Variants in FBXW5 observed in about 807,000 individuals in gnomAD.
FBXW5 encodes F-box/WD repeat-containing protein 5.
In FBXW5, 74 loss-of-function variants were observed where a neutral mutation model predicts 50.9. The observed-to-expected ratio is 1.45, with a 90% CI of 1.20 to 1.76. FBXW5 has a LOEUF of 1.76. FBXW5 is among the 40% of genes most tolerant of loss of function. The pLI is 0.00. For synonymous variants in FBXW5, 523 were observed against 362.2 expected (o/e 1.44, Z -5.04); for missense variants, 1,073 against 818.8 (o/e 1.31, Z -3.79).
intron 1 of FBXW5, 85 bp downstream of exon 1, chr9:136,944,509 C>T (rs1278492720): frequency 1.0e-6 from 1 of 984,456 alleles, no homozygotes; most frequent in African/African-American, 1.8e-5. Flanking sequence ...GGGACGAGCG[C>T]ACGGGCGGCC....
chr9:136,944,352 G>A, intron 1 of FBXW5: 1 of 600,296 alleles, frequency 1.7e-6, no homozygotes, highest in African/African-American at 2.0e-5. Context: ...GCCCGCCAGG[G>A]CCCGGACCGC....
At chr9:136,944,481 G>C in intron 1 of FBXW5, 113 bp downstream of exon 1, 1 of 982,646 alleles carries the variant, frequency 1.0e-6, no homozygotes, top group Non-Finnish European at 1.2e-6. Context: ...CTGCCCGGCG[G>C]GCTCGGGGCG....
At chr9:136,944,244 C>A in intron 1 of FBXW5, 138 bp from the exon 2 acceptor site, 1 of 992,774 alleles carries the variant, frequency 1.0e-6, no homozygotes, top group Non-Finnish European at 1.4e-6. Context: ...CGGGTACCGC[C>A]GCCCAACCAA....
Position 136,941,304 on chromosome 9 carries a change from G to A in FBXW5, c.1404C>T (p.Pro468=), listed in dbSNP as rs1383207001. ...GGAAGATGAAGAAGCACTCGTCGTT[G>A]GGCGTGTAGGCGCGGTGCGCACGCA... is the stretch of plus-strand genomic sequence containing the variant. ...RALRAHRAYT[P]NDECFFIFLD... is the part of the protein sequence containing the mutation. Residue 468 remains proline, a synonymous_variant, in exon 8 of 9, where the codon CCC becomes CCT. Transcript: ENST00000325285. 4.0e-5 allele frequency: 65 copies of A among 1,609,578 alleles called. No individual in the cohort carries two copies. Among genetic ancestry groups the A allele is most frequent in the Non-Finnish European group, 5.2e-5 (61 of 1,179,830 alleles).
rs1230228948 is a variant in FBXW5 at position 136,940,748 on chromosome 9, C to G, written c.*180G>C. 1 of 1,061,198 alleles carries G rather than the reference C, an allele frequency of 9.4e-7. No individual in the cohort carries two copies. The highest frequency in any genetic ancestry group is 1.6e-5 in the African/African-American group (1 of 62,456). 65.7% of individuals were successfully genotyped at this position (1,061,198 alleles called of 1,614,324 possible). A position where few individuals can be genotyped will look rare whatever the true frequency, so the allele number is the denominator to read the frequency against. On this transcript the variant is annotated 3_prime_UTR_variant, in exon 9 of 9. Coordinates refer to ENST00000325285, the MANE Select transcript of FBXW5 (RefSeq NM_018998.4). ...TTGGGCTCCATCTGCACTGGCCACC[C>G]CGTGCCAAGCATCACAGCTGCGTGA...
At chr9:136,941,708 G>A (rs747048116) in intron 6 of FBXW5, 24 bp from the exon 7 acceptor site, 7 of 1,544,088 alleles carry the variant, frequency 4.5e-6, no homozygotes, top group Admixed American at 2.0e-5. Flanking sequence ...TACGGTGAGG[G>A]TCCCTGTCCA....
At position 136,943,351 on chromosome 9, in the gene FBXW5, T is replaced by A; in HGVS notation, c.349A>T (p.Lys117Ter). Reference protein sequence around the residue: ...FASCSKDCTVKIWSNDLTISL... With the variant: ...FASCSKDCTV ...GCAGGACACCTGGCCGTCCTCACCT[T>A]CACAGTGCAGTCCTTGGAGCAGGAC... The change falls in exon 3 of 9, where the codon AAG becomes TAG. Residue 117 changes from lysine (K) to a stop codon, truncating the protein, a stop_gained and splice_region_variant. Transcript: ENST00000325285. LOFTEE classifies it high-confidence loss of function. The A allele has an allele frequency of 6.2e-7, 1 of 1,608,412 alleles. No individual in the cohort carries two copies. The highest frequency in any genetic ancestry group is 8.5e-7 in the Non-Finnish European group (1 of 1,177,310).
At position 136,944,616 on chromosome 9, in the gene FBXW5, GCCGCCCCCGCCCTGCGCGACCCGGAC is replaced by G; in HGVS notation, c.-72_-47del. 1 of 984,228 alleles carries G rather than the reference GCCGCCCCCGCCCTGCGCGACCCGGAC, an allele frequency of 1.0e-6. No individual in the cohort carries two copies. The highest frequency in any genetic ancestry group is 1.2e-6 in the Non-Finnish European group (1 of 829,026). The allele number at this position is 984,228 out of a possible 1,614,324, so 61.0% of individuals were successfully genotyped here. On this transcript the variant is annotated 5_prime_UTR_variant, in exon 1 of 9. Transcript: ENST00000325285. ...CACCACGGCCGCCTCCGCCCGCTGC[GCCGCCCCCGCCCTGCGCGACCCGGAC>G]CCGCTTCCGCTGCCGCAGCCGCTCG... is the stretch of plus-strand genomic sequence containing the variant.
chr9:136,942,264 G>T lies in FBXW5; in HGVS notation c.878C>A (p.Pro293Gln). Residue 293 changes from proline (P) to glutamine (Q), a missense_variant, in exon 6 of 9, where the codon CCG (proline) becomes CAG (glutamine). Transcript: ENST00000325285. ...GSDNEEVVAG[P>Q]APAHAKEGLR... is the part of the protein sequence containing the mutation. ...GCCCTCCTTGGCGTGGGCGGGGGCCGGGCCAGCCACCACCTCCTCGTTGTC... is the reference window on the plus strand; with the variant it reads ...GCCCTCCTTGGCGTGGGCGGGGGCCTGGCCAGCCACCACCTCCTCGTTGTC... 6.3e-7 allele frequency: 1 copy of T among 1,581,792 alleles called. No individual in the cohort carries two copies. The highest frequency in any genetic ancestry group is 2.3e-5 in the East Asian group (1 of 43,088).
rs752567365 is a variant in FBXW5 at position 136,942,040 on chromosome 9, G to A, written c.1096+6C>T. ...CGAGGCGGGCAGCATGGCGGCAGGG[G>A]TGTACCGATCTGGTGTGGGGAGTAG... On this transcript the variant is annotated splice_donor_region_variant and intron_variant, in intron 6 of 8. Coordinates refer to ENST00000325285, the MANE Select transcript of FBXW5 (RefSeq NM_018998.4). 1.2e-6 allele frequency: 2 copies of A among 1,600,834 alleles called. No individual in the cohort carries two copies. Among genetic ancestry groups the A allele is most frequent in the South Asian group, 2.2e-5 (2 of 90,182 alleles).
rs765104564 is a variant in FBXW5, at chr9:136,941,266, C to T, written c.1442G>A (p.Arg481Lys). ...ECFFIFLDVS[R>K]DFVASGAEDR... ...CGCCCTGCACCTGGCCACGAAGTCC[C>T]TGCTGACGTCCAGGAAGATGAAGAA... The change falls in exon 8 of 9, where the codon AGG (arginine) becomes AAG (lysine). Residue 481 changes from arginine to lysine, a missense_variant. Arg to Lys is a conservative substitution (Grantham distance 26). Transcript: ENST00000325285. The T allele has an allele frequency of 1.6e-5, 26 of 1,605,902 alleles. 1 individual carries two copies. In the South Asian group the frequency reaches 2.6e-4, roughly 16 times the overall value.
In FBXW5 at chr9:136,941,675, T is replaced by G. The variant is rs1403343492; in HGVS notation, c.1106A>C (p.Gln369Pro). 4 of 1,559,638 alleles carry G rather than the reference T, an allele frequency of 2.6e-6. No homozygotes were observed. The highest frequency in any genetic ancestry group is 3.5e-6 in the Non-Finnish European group (4 of 1,153,014). Residue 369 changes from glutamine (Q) to proline (P), a missense_variant, in exon 7 of 9, where the codon CAG (glutamine) becomes CCG (proline). Physicochemically the swap from Gln to Pro is moderately conservative, Grantham distance 76. Coordinates refer to ENST00000325285, the MANE Select transcript of FBXW5 (RefSeq NM_018998.4). ...CGTGGTCATCTGGTGTGGCAGGATC[T>G]GCTTGATGCCTGCAGGGAGGGCTAC... The part of the protein sequence containing the change: ...TYSPHQIGIK[Q>P]ILPHQMTTAG...
In FBXW5 at chr9:136,942,694, GTC is replaced by G; in HGVS notation, c.527-1_527del. 1 of 1,611,370 alleles carries G rather than the reference GTC, an allele frequency of 6.2e-7. No homozygotes were observed. The highest frequency in any genetic ancestry group is 8.5e-7 in the Non-Finnish European group (1 of 1,179,334). On this transcript the variant is annotated splice_acceptor_variant and coding_sequence_variant, in exon 5 of 9. Transcript: ENST00000325285. LOFTEE classifies it high-confidence loss of function. The stretch of plus-strand genomic sequence containing the variant: ...GCACGCGGGACAGCAGCGCGAAGGA[GTC>G]TGTGGGGAGGCCGGGGCTGGACAGG...
rs781537456 is a variant in FBXW5 at position 136,942,543 on chromosome 9, G to C, written c.675+4C>G. 2 of 1,608,976 alleles carry C rather than the reference G, an allele frequency of 1.2e-6. No homozygotes were observed. The highest frequency in any genetic ancestry group is 2.2e-5 in the East Asian group (1 of 44,722). ...GGCAGCCCCGCCCCTAGCCCCGCAC[G>C]CACCTGGAAGGCATTGTTGAGCCAC... On this transcript the variant is annotated splice_donor_region_variant and intron_variant, in intron 5 of 8. Coordinates refer to ENST00000325285, the MANE Select transcript of FBXW5 (RefSeq NM_018998.4).
chr9:136,944,257 A>C (rs1302443361), intron 1 of FBXW5, 151 bp from the exon 2 acceptor site: 2 of 891,400 alleles, frequency 2.2e-6, no homozygotes, highest in African/African-American at 1.8e-5. Context: ...CCAACCAAGG[A>C]CCCGGCAGCT....
chr9:136,941,198 GCCGC>G (rs768595180), intron 8 of FBXW5, 27 bp from the exon 9 acceptor site: 2 of 1,597,036 alleles, frequency 1.3e-6, no homozygotes, highest in African/African-American at 1.3e-5. Flanking sequence ...GGGTGAGCCG[GCCGC>G]CCGCCCGCTG....
At chr9:136,943,713 G>A (rs1294618526) in intron 2 of FBXW5, among the ~76,000 whole-genome samples, 178 bp downstream of exon 2, 2 of 152,228 alleles carry the variant, frequency 1.3e-5, no homozygotes, top group Admixed American at 1.3e-4. Context: ...TGAACCCTCT[G>A]GCCTCCAAGC....
chr9:136,943,578 C>T lies in FBXW5; in HGVS notation c.194-72G>A, dbSNP rs566114480. On this transcript the variant is annotated intron_variant, in intron 2 of 8. Coordinates refer to ENST00000325285, the MANE Select transcript of FBXW5 (RefSeq NM_018998.4). ...TCACGGCCATGAGCCGAGTGTGGCC[C>T]CAGCAGTCCTGGCAGGCCCCGTGGT... 6 of 1,531,124 alleles carry T rather than the reference C, an allele frequency of 3.9e-6. No homozygotes were observed. The African/African-American group carries it at 8.2e-5, about 21-fold the overall frequency. 94.8% of individuals were successfully genotyped at this position (1,531,124 alleles called of 1,614,324 possible). A position where few individuals can be genotyped will look rare whatever the true frequency, so the allele number is the denominator to read the frequency against.
In FBXW5 at chr9:136,941,178, A is replaced by G. The variant is rs1850743376; in HGVS notation, c.1458-7T>C. 1 of 1,601,884 alleles carries G rather than the reference A, an allele frequency of 6.2e-7. No homozygotes were observed. Among genetic ancestry groups the G allele is most frequent in the African/African-American group, 1.3e-5 (1 of 74,848 alleles). ...GTGCCGGTCCTCCGCCCCGCTGCAG[A>G]ACAGCGCCTGGGTGAGCCGGCCGCC... On this transcript the variant is annotated splice_polypyrimidine_tract_variant and splice_region_variant and intron_variant, in intron 8 of 8. Coordinates refer to ENST00000325285, the MANE Select transcript of FBXW5 (RefSeq NM_018998.4).
Sources: allele counts gnomAD v4.1 joint callset (sites outside exome capture counted in the v4.1 genomes callset), GRCh38; gene constraint gnomAD v4.1.1; transcripts MANE v1.5; gene names NCBI Gene and HGNC (gene_info 2026-07-23, HGNC 2026-07-21).